Variants in WASHC5 observed in about 807,000 individuals in gnomAD.
WASHC5 encodes WASH complex subunit 5.
In WASHC5, 101 loss-of-function variants were observed where a neutral mutation model predicts 150.4. The observed-to-expected ratio is 0.67, with a 90% CI of 0.57 to 0.79. The LOEUF (loss-of-function observed/expected upper bound fraction) is 0.79, where lower values mean the gene tolerates loss of function less well. Ranked by LOEUF, WASHC5 falls within the 30% of genes least tolerant of loss-of-function variation. The pLI is 0.00. For missense variants in WASHC5, 1,195 were observed against 1,396.3 expected, an observed-to-expected ratio of 0.86 and a Z score of 2.30; for synonymous variants, 467 against 491.2, an observed-to-expected ratio of 0.95 and a Z score of 0.65.
intron 1 of WASHC5, 117 bp downstream of exon 1, chr8:125,091,498 G>C (rs1028998449): frequency 6.6e-6 from 1 of 152,196 alleles, no homozygotes; most frequent in Non-Finnish European, 1.5e-5. Context: ...CCTCCATCCC[G>C]AGTCCCCCAT....
intron 27 of WASHC5, among the ~76,000 whole-genome samples, chr8:125,029,983 G>A (rs991247631): frequency 6.6e-6 from 1 of 152,142 alleles, no homozygotes; most frequent in African/African-American, 2.4e-5. Context: ...ATTCCCATGC[G>A]TCACAGGTTC....
Position 125,043,861 on chromosome 8 carries a change from C to T in WASHC5, c.2814G>A (p.Gln938=). ...KIYFSAIAKT[Q]KIWTAYLEAI... ...CCTCGAGATACGCAGTCCAAATCTTCTGTGTTTTGGCAATGGCGGAAAAAT... is the reference window on the plus strand; with the variant it reads ...CCTCGAGATACGCAGTCCAAATCTTTTGTGTTTTGGCAATGGCGGAAAAAT... The change falls in exon 23 of 29, where the codon CAG becomes CAA. Residue 938 remains glutamine, a synonymous_variant. Coordinates refer to ENST00000318410, the MANE Select transcript of WASHC5 (RefSeq NM_014846.4). 6.2e-7 allele frequency: 1 copy of T among 1,612,988 alleles called. No individual in the cohort carries two copies. Among genetic ancestry groups the T allele is most frequent in the Non-Finnish European group, 8.5e-7 (1 of 1,179,002 alleles).
At chr8:125,039,967 C>T in intron 23 of WASHC5, 69 bp from the exon 24 acceptor site, 1 of 1,003,276 alleles carries the variant, frequency 1.0e-6, no homozygotes, top group Non-Finnish European at 1.6e-6. Flanking sequence ...AGGAGGTAAA[C>T]ACAAAGATGA....
At chr8:125,085,117 G>T (rs1285175064) in intron 1 of WASHC5, among the ~76,000 whole-genome samples, 1 of 152,184 alleles carries the variant, frequency 6.6e-6, no homozygotes, top group Non-Finnish European at 1.5e-5. Context: ...CTCTCTAGCT[G>T]CCTGCTATAC....
At chr8:125,073,995 TC>T (rs1296112270) in intron 8 of WASHC5, among the ~76,000 whole-genome samples, 8 of 152,222 alleles carry the variant, frequency 5.3e-5, no homozygotes, top group Admixed American at 5.2e-4. Context: ...TAAGACTTCT[TC>T]TACAGGCTTA....
chr8:125,063,207 T>C (rs1816653635), intron 11 of WASHC5, among the ~76,000 whole-genome samples: 1 of 152,168 alleles, frequency 6.6e-6, no homozygotes, highest in Non-Finnish European at 1.5e-5. Context: ...ACCATGGAGA[T>C]GGAGGCCAAC....
intron 15 of WASHC5, 70 bp from the exon 16 acceptor site, chr8:125,056,887 G>A: frequency 6.3e-7 from 1 of 1,581,982 alleles, no homozygotes; most frequent in Non-Finnish European, 8.7e-7. Context: ...CAAATATTAG[G>A]ATGCCTAATT....
rs1816452519 is a variant in WASHC5, at chr8:125,057,670, G to A, written c.1765-4C>T. 1 of 1,576,068 alleles carries A rather than the reference G, an allele frequency of 6.3e-7. No homozygotes were observed. Among genetic ancestry groups the A allele is most frequent in the South Asian group, 1.1e-5 (1 of 89,854 alleles). On this transcript the variant is annotated splice_polypyrimidine_tract_variant and splice_region_variant and intron_variant, in intron 14 of 28. Transcript: ENST00000318410. ...GCAGATCGAGGGCAGAGGCAAGCTG[G>A]AAGAAAAATAAGGTATATCTGTTTC...
intron 23 of WASHC5, among the ~76,000 whole-genome samples, chr8:125,041,619 C>T (rs545553408): frequency 1.3e-4 from 20 of 150,794 alleles, no homozygotes; most frequent in Non-Finnish European, 7.4e-5. Context: ...CCAGCCCAGG[C>T]GACAGAGTGA....
Position 125,075,084 on chromosome 8 carries a change from C to T in WASHC5, c.892G>A (p.Val298Ile). The T allele has an allele frequency of 6.2e-7, 1 of 1,609,564 alleles. No individual in the cohort carries two copies. The highest frequency in any genetic ancestry group is 8.5e-7 in the Non-Finnish European group (1 of 1,176,058). Reference sequence around the variant, plus strand: ...GGTTCCCAAGCATCTACTAGATTAACTGTGATCCCCATGTAAATACTAATT... The same window carrying T: ...GGTTCCCAAGCATCTACTAGATTAATTGTGATCCCCATGTAAATACTAATT... ...WVISIYMGIT[V>I]NLVDAWEPYK... Residue 298 changes from valine (V) to isoleucine (I), a missense_variant, in exon 8 of 29, where the codon GTT becomes ATT. This residue lies in a region of WASHC5 where 997 missense variants were observed against 1,168.1 expected (regional missense o/e 0.85). Coordinates refer to ENST00000318410, the MANE Select transcript of WASHC5 (RefSeq NM_014846.4).
chr8:125,025,255 TAA>T (rs1491130300), intron 28 of WASHC5, among the ~76,000 whole-genome samples: 2 of 143,636 alleles, frequency 1.4e-5, no homozygotes, highest in Non-Finnish European at 3.0e-5. Flanking sequence ...AAGCAGTGTT[TAA>T]TTTTTTTTCT....
At chr8:125,089,430 T>C (rs1212526070) in intron 1 of WASHC5, among the ~76,000 whole-genome samples, 1 of 152,200 alleles carries the variant, frequency 6.6e-6, no homozygotes, top group East Asian at 1.9e-4. Context: ...CATAATGTTT[T>C]AAGCAAGTTT....
chr8:125,043,479 T>C (rs527266890), intron 23 of WASHC5, among the ~76,000 whole-genome samples: 17 of 152,350 alleles, frequency 1.1e-4, no homozygotes, highest in African/African-American at 3.8e-4. Context: ...TTGGAGCAGA[T>C]GAGGTGTGTA....
Position 125,024,526 on chromosome 8 carries a change from G to A in WASHC5, c.*91C>T, listed in dbSNP as rs1815317150. On this transcript the variant is annotated 3_prime_UTR_variant, in exon 29 of 29. Coordinates refer to ENST00000318410, the MANE Select transcript of WASHC5 (RefSeq NM_014846.4). ...ATAGACAGAAAAAATGCAGTTGTAT[G>A]AGCAACTGAGTTTCTTTTCATCTTC... The A allele has an allele frequency of 1.0e-6, 1 of 955,092 alleles. No individual in the cohort carries two copies. The allele number at this position is 955,092 out of a possible 1,614,324, so 59.2% of individuals were successfully genotyped here. A position where few individuals can be genotyped will look rare whatever the true frequency, so the allele number is the denominator to read the frequency against.
chr8:125,063,362 C>T (rs772835059), intron 11 of WASHC5, among the ~76,000 whole-genome samples, 160 bp downstream of exon 11: 14 of 152,152 alleles, frequency 9.2e-5, no homozygotes, highest in Non-Finnish European at 1.5e-4. Context: ...CTAGACGCAG[C>T]CAAAACTAAC....
chr8:125,044,771 G>C lies in WASHC5; in HGVS notation c.2505-73C>G, dbSNP rs1586346711. The C allele has an allele frequency of 2.1e-6, 3 of 1,430,616 alleles. No homozygotes were observed. In the East Asian group the frequency reaches 6.8e-5, roughly 32 times the overall value. The allele number at this position is 1,430,616 out of a possible 1,614,324, so 88.6% of individuals were successfully genotyped here. A position where few individuals can be genotyped will look rare whatever the true frequency, so the allele number is the denominator to read the frequency against. ...CTTAAAGAGATGTTAGGACTCAACAGGACATGCGGCACCAAATATGAAGAA... is the reference window on the plus strand; with the variant it reads ...CTTAAAGAGATGTTAGGACTCAACACGACATGCGGCACCAAATATGAAGAA... On this transcript the variant is annotated intron_variant, in intron 20 of 28. Transcript: ENST00000318410.
chr8:125,027,675 C>T (rs1009203350), intron 28 of WASHC5, among the ~76,000 whole-genome samples: 3 of 152,128 alleles, frequency 2.0e-5, no homozygotes, highest in Non-Finnish European at 2.9e-5. Context: ...GTGTATACTG[C>T]TCAGGTGATG....
intron 17 of WASHC5, among the ~76,000 whole-genome samples, chr8:125,052,294 G>A (rs987856515): frequency 2.6e-5 from 4 of 152,096 alleles, no homozygotes; most frequent in African/African-American, 4.8e-5. Context: ...GATCGCATGC[G>A]GCTCTTCTAA....
chr8:125,086,739 T>A (rs1817432171), intron 1 of WASHC5, among the ~76,000 whole-genome samples: 1 of 152,330 alleles, frequency 6.6e-6, no homozygotes, highest in Admixed American at 6.5e-5. Flanking sequence ...TATCTCCTTT[T>A]GCTCTCTTTG....
Sources: gnomAD v4.1 joint callset for allele counts (sites outside exome capture counted in the v4.1 genomes callset) on GRCh38, gnomAD v4.1.1 for gene constraint, gnomAD v4.1.1 regional missense constraint, MANE v1.5 for transcripts, NCBI Gene and HGNC (gene_info 2026-07-23, HGNC 2026-07-21) for gene names.